Variants in RAD54L2 observed in about 807,000 individuals in gnomAD.
RAD54L2 encodes RAD54 like 2.
In RAD54L2, 27 loss-of-function variants were observed where a neutral mutation model predicts 138.4. That is an observed-to-expected ratio of 0.20 (90% confidence interval 0.14 to 0.27). The LOEUF (loss-of-function observed/expected upper bound fraction) is 0.27. RAD54L2 is among the 10% of genes least tolerant of loss of function. The pLI, the probability that RAD54L2 is intolerant of heterozygous loss-of-function variation, is 1.00. For missense variants in RAD54L2, 1,396 were observed against 1,890.2 expected, an observed-to-expected ratio of 0.74 and a Z score of 4.85; for synonymous variants, 644 against 723.2, an observed-to-expected ratio of 0.89 and a Z score of 1.76.
chr3:51,663,353 A>G lies in RAD54L2; in HGVS notation c.4337A>G (p.Glu1446Gly), dbSNP rs1701837150. The change falls in exon 23 of 23, where the codon GAG becomes GGG. Residue 1446 changes from glutamate to glycine, a missense_variant. Physicochemically the swap from Glu to Gly is moderately conservative, Grantham distance 98. Around this residue, in one of 7 missense-constraint regions of RAD54L2, gnomAD observed 634 missense variants for 711.2 expected, o/e 0.89. Transcript: ENST00000684192. ...VPPFDSHEVA[E>G]VGFSSNDDED... The stretch of plus-strand genomic sequence containing the variant: ...CCATTTGACTCTCATGAGGTTGCCG[A>G]GGTTGGGTTCAGCTCCAATGATGAT... 1 of 1,613,812 alleles carries G rather than the reference A, an allele frequency of 6.2e-7. No individual in the cohort carries two copies. The highest frequency in any genetic ancestry group is 2.2e-5 in the East Asian group (1 of 44,860).
At position 51,643,994 on chromosome 3, in the gene RAD54L2, G is replaced by A; in HGVS notation, c.2450+20G>A. 1 of 1,560,242 alleles carries A rather than the reference G, an allele frequency of 6.4e-7. No individual in the cohort carries two copies. The highest frequency in any genetic ancestry group is 8.7e-7 in the Non-Finnish European group (1 of 1,146,182). Reference sequence around the variant, plus strand: ...TACAAGGTGAGTGGATCCCAAGAGGGGAGGTCAAAGGAATCTGTTCAGGCA... The same window carrying A: ...TACAAGGTGAGTGGATCCCAAGAGGAGAGGTCAAAGGAATCTGTTCAGGCA... On this transcript the variant is annotated intron_variant, in intron 16 of 22. Coordinates refer to ENST00000684192, the MANE Select transcript of RAD54L2 (RefSeq NM_015106.4).
rs1577476724 is a variant in RAD54L2, at chr3:51,663,631, A to C, written c.*211A>C. ...AAAAAAAAAAAAAGTCCAACACAGC[A>C]GCAATAGCGGGAAATCAGGGACCCA... On this transcript the variant is annotated 3_prime_UTR_variant, in exon 23 of 23. Transcript: ENST00000684192. 1.8e-6 allele frequency: 1 copy of C among 546,436 alleles called. No individual in the cohort carries two copies. Among genetic ancestry groups the C allele is most frequent in the Non-Finnish European group, 3.1e-6 (1 of 321,876 alleles). The allele number at this position is 546,436 out of a possible 1,614,324, so 33.8% of individuals were successfully genotyped here. A position where few individuals can be genotyped will look rare whatever the true frequency, so the allele number is the denominator to read the frequency against.
At chr3:51,654,429 T>C (rs1346204214) in intron 19 of RAD54L2, among the ~76,000 whole-genome samples, 2 of 152,136 alleles carry the variant, frequency 1.3e-5, no homozygotes, top group Non-Finnish European at 2.9e-5. Flanking sequence ...GGCACATACC[T>C]GTAGTCCCAG....
intron 2 of RAD54L2, among the ~76,000 whole-genome samples, chr3:51,549,489 C>T (rs1456456729): frequency 3.9e-5 from 6 of 151,956 alleles, no homozygotes; most frequent in Non-Finnish European, 8.8e-5. Context: ...AGGCTGGGCG[C>T]GGTGGCTTAT....
At chr3:51,562,525 C>T (rs372401221) in intron 2 of RAD54L2, among the ~76,000 whole-genome samples, 35 of 152,130 alleles carry the variant, frequency 2.3e-4, no homozygotes, top group African/African-American at 8.4e-4. Context: ...CCACTGTGCC[C>T]TGCCATTTTT....
chr3:51,600,321 G>T (rs1700053569), intron 3 of RAD54L2, among the ~76,000 whole-genome samples: 1 of 152,092 alleles, frequency 6.6e-6, no homozygotes. Context: ...CTGTAAAAAA[G>T]AAAAATCTTA....
In RAD54L2 at chr3:51,638,457, G is replaced by A; in HGVS notation, c.1860+136G>A. 9.7e-7 allele frequency: 1 copy of A among 1,026,016 alleles called. No individual in the cohort carries two copies. Among genetic ancestry groups the A allele is most frequent in the Middle Eastern group, 3.2e-4 (1 of 3,090 alleles). 63.6% of individuals were successfully genotyped at this position (1,026,016 alleles called of 1,614,324 possible). A position where few individuals can be genotyped will look rare whatever the true frequency, so the allele number is the denominator to read the frequency against. On this transcript the variant is annotated intron_variant, in intron 12 of 22. Transcript: ENST00000684192. This position sits in a 1 kb window ranked among gnomAD's most constrained non-coding sequence, Gnocchi z 4.3. ...GCCACCTCAGTTCACTGCACTGGAG[G>A]TTTGGGGGCTCCAAGGAGAGAGGTG... is the stretch of plus-strand genomic sequence containing the variant.
chr3:51,556,593 T>TG (rs397751594), intron 2 of RAD54L2, among the ~76,000 whole-genome samples: 2 of 151,434 alleles, frequency 1.3e-5, no homozygotes, highest in Admixed American at 1.3e-4. Context: ...TCTTTTTTTT[T>TG]GAGACAGAGT....
intron 21 of RAD54L2, 21 bp downstream of exon 21, chr3:51,657,690 C>G (rs755802141): frequency 6.7e-7 from 1 of 1,493,614 alleles, no homozygotes; most frequent in South Asian, 1.2e-5. Context: ...GACCAAGGAC[C>G]TGTTCCCTGC....
rs1473768118 is a variant in RAD54L2 at position 51,637,272 on chromosome 3, C to G, written c.1451C>G (p.Ser484Cys). ...STSQALKNIR[S>C]RRRVVLTGYP... is the part of the protein sequence containing the mutation. ...TCACAGGCTCTGAAGAATATCCGCT[C>G]TCGCCGCCGGGTGGTGCTGACTGGG... The change falls in exon 11 of 23, where the codon TCT (serine) becomes TGT (cysteine). Residue 484 changes from serine to cysteine, a missense_variant. Around this residue, in one of 7 missense-constraint regions of RAD54L2, gnomAD observed 169 missense variants for 235.6 expected, o/e 0.72. Transcript: ENST00000684192. This position sits in a 1 kb window ranked among gnomAD's most constrained non-coding sequence, Gnocchi z 5.9. 1.2e-6 allele frequency: 2 copies of G among 1,608,496 alleles called. No individual in the cohort carries two copies. Among genetic ancestry groups the G allele is most frequent in the Middle Eastern group, 1.7e-4 (1 of 6,052 alleles).
intron 3 of RAD54L2, among the ~76,000 whole-genome samples, chr3:51,594,113 C>T (rs558687856): frequency 6.9e-6 from 1 of 144,912 alleles, no homozygotes; most frequent in Admixed American, 7.0e-5. Context: ...CTCTTTTGCC[C>T]AGGCTGGAGT....
At chr3:51,659,422 T>C (rs1458269390) in intron 21 of RAD54L2, among the ~76,000 whole-genome samples, 1 of 152,216 alleles carries the variant, frequency 6.6e-6, no homozygotes, top group Non-Finnish European at 1.5e-5. Context: ...TATCTGGCTC[T>C]TGTAAAAAAG....
intron 7 of RAD54L2, 110 bp from the exon 8 acceptor site, chr3:51,633,467 C>A (rs1700899212): frequency 9.4e-7 from 1 of 1,063,102 alleles, no homozygotes; most frequent in Non-Finnish European, 1.4e-6. Flanking sequence ...CACCTGCTAT[C>A]TATTATAACG....
chr3:51,607,070 T>TTTTTTTTA (rs1367107953), intron 3 of RAD54L2, among the ~76,000 whole-genome samples: 1 of 143,136 alleles, frequency 7.0e-6, no homozygotes. Context: ...CTCTTTTTAT[T>TTTTTTTTA]TTTTTTTATT....
chr3:51,666,484 G>C lies in RAD54L2; in HGVS notation c.*3064G>C, dbSNP rs1283513150. The C allele has an allele frequency of 1.3e-5, 2 of 152,054 alleles. No homozygotes were observed. Among genetic ancestry groups the C allele is most frequent in the Non-Finnish European group, 2.9e-5 (2 of 68,020 alleles). 9.4% of individuals were successfully genotyped at this position (152,054 alleles called of 1,614,324 possible). Reference sequence around the variant, plus strand: ...TTTTCCCTTACCATTGTCTTCCATGGAATGTTTTCAAGGGCCTCTCAAGCC... The same window carrying C: ...TTTTCCCTTACCATTGTCTTCCATGCAATGTTTTCAAGGGCCTCTCAAGCC... On this transcript the variant is annotated 3_prime_UTR_variant, in exon 23 of 23. Transcript: ENST00000684192.
chr3:51,598,491 A>G (rs1180363507), intron 3 of RAD54L2, among the ~76,000 whole-genome samples: 1 of 151,984 alleles, frequency 6.6e-6, no homozygotes, highest in Non-Finnish European at 1.5e-5. Context: ...TAATCCCAGC[A>G]CTTGGGGATC....
chr3:51,614,931 T>C (rs939990589), intron 3 of RAD54L2, among the ~76,000 whole-genome samples: 3 of 152,094 alleles, frequency 2.0e-5, no homozygotes, highest in East Asian at 1.9e-4. Context: ...TTTTTTTTTT[T>C]CTCAAACTGG....
intron 19 of RAD54L2, among the ~76,000 whole-genome samples, chr3:51,654,922 T>C (rs1701558308): frequency 6.6e-6 from 1 of 152,164 alleles, no homozygotes; most frequent in Non-Finnish European, 1.5e-5. Flanking sequence ...GGTATGCGGC[T>C]TGGGCTGGGT....
At chr3:51,603,142 CAAAAAAA>C (rs56410629) in intron 3 of RAD54L2, among the ~76,000 whole-genome samples, 1 of 91,560 alleles carries the variant, frequency 1.1e-5, no homozygotes, top group Admixed American at 1.2e-4. Flanking sequence ...ATTACTACTA[CAAAAAAA>C]AAAAAAAAAA....
Sources: allele counts gnomAD v4.1 joint callset (sites outside exome capture counted in the v4.1 genomes callset), GRCh38; gene constraint gnomAD v4.1.1; regional missense constraint gnomAD v4.1.1; non-coding constraint Gnocchi (gnomAD v3.1); transcripts MANE v1.5; gene names NCBI Gene and HGNC (gene_info 2026-07-23, HGNC 2026-07-21).